The following NSMAF variants were observed in gnomAD, a reference collection of about 807,000 sequenced individuals.
NSMAF encodes the protein neutral sphingomyelinase activation associated factor.
NSMAF carries 90 observed loss-of-function variants against 134.9 expected under a neutral mutation model. The observed-to-expected ratio is 0.67, with a 90% CI of 0.56 to 0.79. The LOEUF (loss-of-function observed/expected upper bound fraction) is 0.79, where lower values mean the gene tolerates loss of function less well. NSMAF is among the 30% of genes least tolerant of loss of function. NSMAF has a pLI of 0.00. For synonymous variants in NSMAF, 358 were observed against 389.6 expected (o/e 0.92, Z 0.96); for missense variants, 1,010 against 1,119.0 (o/e 0.90, Z 1.39).
At chr8:58,632,568 TG>T (rs199650136) in intron 5 of NSMAF, among the ~76,000 whole-genome samples, 3,673 of 152,336 alleles carry the variant, frequency 0.024, 67 homozygotes, top group Non-Finnish European at 0.037. Flanking sequence ...CGTCTACTTT[TG>T]GACCTTGCTT....
At chr8:58,644,649 C>T (rs1234420791) in intron 1 of NSMAF, among the ~76,000 whole-genome samples, 2 of 152,118 alleles carry the variant, frequency 1.3e-5, no homozygotes, top group African/African-American at 4.8e-5. Flanking sequence ...CATTCTGCTA[C>T]AAAGAAACAG....
At chr8:58,642,932 T>C (rs1191861121) in intron 2 of NSMAF, 52 bp downstream of exon 2, 1 of 1,319,710 alleles carries the variant, frequency 7.6e-7, no homozygotes, top group Non-Finnish European at 1.1e-6. Context: ...ACTTTAAAAG[T>C]TCAGATATCA....
chr8:58,646,684 G>T (rs1316631603), intron 1 of NSMAF, among the ~76,000 whole-genome samples: 1 of 151,898 alleles, frequency 6.6e-6, no homozygotes, highest in Non-Finnish European at 1.5e-5. Flanking sequence ...TAAGTTGCAT[G>T]ATTTTTAGAA....
At chr8:58,657,288 T>C (rs1807739715) in intron 1 of NSMAF, among the ~76,000 whole-genome samples, 2 of 152,348 alleles carry the variant, frequency 1.3e-5, no homozygotes, top group Admixed American at 1.3e-4. Context: ...GGTCAATATT[T>C]GGTAGCTCTG....
chr8:58,598,490 C>CAAAAAAAAAAAAAAAAAAAAA (rs71250204), intron 19 of NSMAF, among the ~76,000 whole-genome samples: 199 of 125,904 alleles, frequency 1.6e-3, no homozygotes, highest in Middle Eastern at 3.9e-3. Context: ...CTGTCTCAAA[C>CAAAAAAAAAAAAAAAAAAAAA]AAAAAAAAAA....
chr8:58,613,414 T>C (rs1285396917), intron 9 of NSMAF, among the ~76,000 whole-genome samples: 1 of 152,170 alleles, frequency 6.6e-6, no homozygotes, highest in Non-Finnish European at 1.5e-5. Context: ...AGGTACACTC[T>C]GGCACGAGGT....
intron 5 of NSMAF, among the ~76,000 whole-genome samples, chr8:58,633,399 G>A (rs902948004): frequency 6.6e-6 from 1 of 152,212 alleles, no homozygotes; most frequent in African/African-American, 2.4e-5. Flanking sequence ...CTCTTGGTAA[G>A]TGGCCTCTTC....
Position 58,586,605 on chromosome 8 carries a change from C to T in NSMAF, c.2299G>A (p.Asp767Asn). The T allele has an allele frequency of 6.2e-7, 1 of 1,611,608 alleles. No homozygotes were observed. Among genetic ancestry groups the T allele is most frequent in the East Asian group, 2.2e-5 (1 of 44,862 alleles). ...LAELEHDVSVDTISLNAASTL... is the reference protein window; with the variant it reads ...LAELEHDVSVNTISLNAASTL... ...CTTGCAGCATTTAAACTGATTGTAT[C>T]TACCTAAGGAAGAAAACACATTGAT... The change falls in exon 28 of 31, where the codon GAT becomes AAT. Residue 767 changes from aspartate to asparagine, a missense_variant. By Grantham distance (23) the Asp-to-Asn change is conservative (BLOSUM62 1). Transcript: ENST00000038176.
At chr8:58,587,543 A>G in intron 27 of NSMAF, 75 bp downstream of exon 27, 1 of 1,266,950 alleles carries the variant, frequency 7.9e-7, no homozygotes, top group Non-Finnish European at 1.1e-6. Flanking sequence ...CATGAACAAA[A>G]CCAAAAACCT....
intron 16 of NSMAF, among the ~76,000 whole-genome samples, chr8:58,600,585 G>A (rs113085598): frequency 0.019 from 2,359 of 124,040 alleles, 52 homozygotes; most frequent in African/African-American, 0.069. Flanking sequence ...TCTGCTCACT[G>A]TACTCCAGCC....
intron 19 of NSMAF, among the ~76,000 whole-genome samples, chr8:58,598,490 C>CAAAAAAAAAAAAAAAAAAAAAAA (rs71250204): frequency 4.8e-5 from 6 of 125,950 alleles, no homozygotes; most frequent in African/African-American, 1.6e-4. Context: ...CTGTCTCAAA[C>CAAAAAAAAAAAAAAAAAAAAAAA]AAAAAAAAAA....
At chr8:58,645,251 T>G (rs769497566) in intron 1 of NSMAF, among the ~76,000 whole-genome samples, 6 of 145,808 alleles carry the variant, frequency 4.1e-5, no homozygotes, top group Admixed American at 1.4e-4. Flanking sequence ...CACTCTGGCA[T>G]GTGGTTTTTC....
At chr8:58,599,908 C>A in intron 17 of NSMAF, 38 bp from the exon 18 acceptor site, 1 of 1,613,282 alleles carries the variant, frequency 6.2e-7, no homozygotes, top group Non-Finnish European at 8.5e-7. Flanking sequence ...GAACAACAAA[C>A]ATGTTTTAAA....
In NSMAF at chr8:58,599,318, T is replaced by G; in HGVS notation, c.1499A>C (p.Asn500Thr). 6.2e-7 allele frequency: 1 copy of G among 1,614,104 alleles called. No individual in the cohort carries two copies. Among genetic ancestry groups the G allele is most frequent in the Non-Finnish European group, 8.5e-7 (1 of 1,179,956 alleles). Residue 500 changes from asparagine to threonine, a missense_variant, in exon 19 of 31, where the codon AAT becomes ACT. Physicochemically the swap from Asn to Thr is moderately conservative, Grantham distance 65. Coordinates refer to ENST00000038176, the MANE Select transcript of NSMAF (RefSeq NM_003580.4). ...LQKSKDALESNYVSEHLHEWI... is the reference protein window; with the variant it reads ...LQKSKDALESTYVSEHLHEWI... Reference sequence around the variant, plus strand: ...CTCGTGAAGGTGTTCAGACACATAATTGCTTTCCAATGCATCTTTGCTCTT... The same window carrying G: ...CTCGTGAAGGTGTTCAGACACATAAGTGCTTTCCAATGCATCTTTGCTCTT...
intron 9 of NSMAF, among the ~76,000 whole-genome samples, chr8:58,621,562 T>C (rs995608853): frequency 1.3e-5 from 2 of 152,198 alleles, no homozygotes; most frequent in African/African-American, 4.8e-5. Context: ...TGAACTAATT[T>C]ACACTGCCAC....
chr8:58,599,505 T>G (rs1806224745), intron 18 of NSMAF, 142 bp from the exon 19 acceptor site: 1 of 1,076,214 alleles, frequency 9.3e-7, no homozygotes, highest in African/African-American at 1.6e-5. Flanking sequence ...TTCTATCATA[T>G]GAAATGTAAG....
At chr8:58,605,461 C>A (rs150358444) in intron 12 of NSMAF, among the ~76,000 whole-genome samples, 1 of 151,930 alleles carries the variant, frequency 6.6e-6, no homozygotes, top group African/African-American at 2.4e-5. Context: ...ATTTGGAGGA[C>A]GTTAAAATAT....
intron 9 of NSMAF, among the ~76,000 whole-genome samples, chr8:58,621,427 A>G (rs948859637): frequency 3.3e-4 from 50 of 152,150 alleles, no homozygotes; most frequent in African/African-American, 1.1e-3. Context: ...CTACGTGTGC[A>G]TGTATCTTTA....
intron 1 of NSMAF, among the ~76,000 whole-genome samples, chr8:58,645,264 T>C (rs1379520792): frequency 7.4e-6 from 1 of 134,386 alleles, no homozygotes; most frequent in East Asian, 2.2e-4. Context: ...GGTTTTTCTA[T>C]TTAAAAAAAA....
Sources: allele counts gnomAD v4.1 joint callset (sites outside exome capture counted in the v4.1 genomes callset), GRCh38; gene constraint gnomAD v4.1.1; transcripts MANE v1.5; gene names NCBI Gene and HGNC (gene_info 2026-07-23, HGNC 2026-07-21).